RIMS3: variants seen among roughly 807,000 people sequenced by gnomAD.
RIMS3 encodes the protein regulating synaptic membrane exocytosis protein 3.
Under a neutral mutation model 29.2 loss-of-function variants are expected in RIMS3, and 15 were observed. That is an observed-to-expected ratio of 0.51 (90% CI 0.34 to 0.79). The LOEUF (loss-of-function observed/expected upper bound fraction) is 0.79, where lower values mean the gene tolerates loss of function less well. Ranked by LOEUF, RIMS3 falls within the 30% of genes least tolerant of loss-of-function variation. The pLI, the probability that RIMS3 is intolerant of heterozygous loss-of-function variation, is 0.01. For missense variants in RIMS3, 342 were observed against 421.4 expected, an observed-to-expected ratio of 0.81 and a Z score of 1.65; for synonymous variants, 161 against 170.1, an observed-to-expected ratio of 0.95 and a Z score of 0.41.
intron 3 of RIMS3, among the ~76,000 whole-genome samples, chr1:40,640,158 G>A (rs1012428985): frequency 3.9e-5 from 6 of 152,012 alleles, no homozygotes; most frequent in African/African-American, 9.7e-5. Context: ...CCAGACTCCC[G>A]GGGTCCAACA....
intron 3 of RIMS3, among the ~76,000 whole-genome samples, chr1:40,639,809 T>C (rs931272571): frequency 2.6e-5 from 4 of 152,124 alleles, no homozygotes; most frequent in Non-Finnish European, 4.4e-5. Context: ...CTCACTCACA[T>C]TCAGCAATTA....
At chr1:40,673,051 G>A in the RIMS3 span, among the ~76,000 whole-genome samples, 4 of 151,906 alleles carry the variant, frequency 2.6e-5, no homozygotes, top group Non-Finnish European at 4.4e-5. Flanking sequence ...GTGGTGGCAG[G>A]TGCCTGTAAT....
chr1:40,666,276 A>T (rs1436625191), upstream of RIMS3, among the ~76,000 whole-genome samples: 1 of 152,038 alleles, frequency 6.6e-6, no homozygotes, highest in African/African-American at 2.4e-5. Context: ...ACTTGGGGCG[A>T]TTTTGCCCCC....
At chr1:40,663,599 G>C (rs1027650243) in intron 1 of RIMS3, among the ~76,000 whole-genome samples, 1 of 152,190 alleles carries the variant, frequency 6.6e-6, no homozygotes. Flanking sequence ...AGACCCCACA[G>C]AGCTCAGCAC....
Position 40,636,941 on chromosome 1 carries a change from CG to C in RIMS3, c.218-885del, listed in dbSNP as rs1646524256. 6.6e-6 allele frequency among the ~76,000 whole-genome samples: 1 copy of C among 152,152 alleles called. No homozygotes were observed. The highest frequency in any genetic ancestry group is 1.5e-5 in the Non-Finnish European group (1 of 68,028). On this transcript the variant is annotated intron_variant, in intron 3 of 7. Transcript: ENST00000372684. The surrounding 1 kb of genome is among the most constrained non-coding windows in gnomAD (Gnocchi z 4.2). ...CCCTCTAGACACCCTCTCCTCCTGG[CG>C]GGGGGCGGATGGGGGAGATGGCCTG...
the RIMS3 span, among the ~76,000 whole-genome samples, chr1:40,689,164 G>A: frequency 6.6e-6 from 1 of 152,162 alleles, no homozygotes; most frequent in African/African-American, 2.4e-5. Context: ...TTCATTCTGG[G>A]ACCAAAGCTG....
intron 3 of RIMS3, among the ~76,000 whole-genome samples, chr1:40,640,175 C>A (rs971335223): frequency 6.6e-6 from 1 of 152,134 alleles, no homozygotes; most frequent in African/African-American, 2.4e-5. Context: ...AACACCTCCA[C>A]GACCTTCTAA....
intron 1 of RIMS3, among the ~76,000 whole-genome samples, chr1:40,663,659 T>C (rs1446783864): frequency 6.6e-6 from 1 of 152,130 alleles, no homozygotes; most frequent in African/African-American, 2.4e-5. Context: ...AGGCCTGGGT[T>C]CTGCGCAGTA....
intron 7 of RIMS3, among the ~76,000 whole-genome samples, chr1:40,627,463 C>T (rs1441802328): frequency 4.6e-5 from 7 of 152,124 alleles, no homozygotes; most frequent in Admixed American, 2.0e-4. Flanking sequence ...CTCCTGACCT[C>T]GTGATCTACC....
intron 1 of RIMS3, among the ~76,000 whole-genome samples, chr1:40,657,211 T>G (rs1642285215): frequency 6.6e-6 from 1 of 152,132 alleles, no homozygotes; most frequent in African/African-American, 2.4e-5. Flanking sequence ...GATCCACACG[T>G]CAGAGACTTG....
At chr1:40,691,641 G>C in the RIMS3 span, 4 of 430,338 alleles carry the variant, frequency 9.3e-6, 1 homozygote, top group Non-Finnish European at 9.4e-6. Flanking sequence ...CACAGCTTCT[G>C]CGCACCGCAC....
At chr1:40,651,760 T>A (rs1646633212) in intron 1 of RIMS3, among the ~76,000 whole-genome samples, 1 of 152,224 alleles carries the variant, frequency 6.6e-6, no homozygotes, top group African/African-American at 2.4e-5. Context: ...TATAGCACTG[T>A]GAGTCATTTT....
At chr1:40,679,219 G>C in the RIMS3 span, among the ~76,000 whole-genome samples, 2 of 152,156 alleles carry the variant, frequency 1.3e-5, no homozygotes, top group South Asian at 4.1e-4. Flanking sequence ...AGGTCTCCAA[G>C]CCCATAACTA....
chr1:40,643,012 A>T (rs1366943092), intron 2 of RIMS3, among the ~76,000 whole-genome samples: 1 of 152,184 alleles, frequency 6.6e-6, no homozygotes, highest in East Asian at 1.9e-4. Flanking sequence ...AACACTATGT[A>T]TGCTACCGTG....
At chr1:40,651,972 A>C (rs997386455) in intron 1 of RIMS3, among the ~76,000 whole-genome samples, 1 of 152,188 alleles carries the variant, frequency 6.6e-6, no homozygotes, top group African/African-American at 2.4e-5. Flanking sequence ...TTATTGATTA[A>C]TTGATTCCTC....
intron 3 of RIMS3, 91 bp downstream of exon 3, chr1:40,641,618 G>GC: frequency 7.9e-7 from 1 of 1,266,858 alleles, no homozygotes; most frequent in South Asian, 1.4e-5. Flanking sequence ...CTGTGGGCAT[G>GC]GAAGTGCAGA....
At chr1:40,675,988 G>A in the RIMS3 span, among the ~76,000 whole-genome samples, 18,202 of 152,056 alleles carry the variant, frequency 0.12, 1,190 homozygotes, top group African/African-American at 0.14. Flanking sequence ...GCCCAGAGAA[G>A]TAGGATCAGA....
At chr1:40,638,481 A>G (rs1299336244) in intron 3 of RIMS3, among the ~76,000 whole-genome samples, 3 of 151,924 alleles carry the variant, frequency 2.0e-5, no homozygotes, top group Non-Finnish European at 4.4e-5. Context: ...AGACCAAAAG[A>G]CTCCAGGAAC....
At chr1:40,686,524 G>A in the RIMS3 span, among the ~76,000 whole-genome samples, 16 of 152,170 alleles carry the variant, frequency 1.1e-4, no homozygotes, top group East Asian at 2.9e-3. Context: ...GAGCATGGTC[G>A]CTGGTGCCTG....
Sources: gnomAD v4.1 joint callset for allele counts (sites outside exome capture counted in the v4.1 genomes callset) on GRCh38, gnomAD v4.1.1 for gene constraint, Gnocchi (gnomAD v3.1) non-coding constraint, MANE v1.5 for transcripts, NCBI Gene and HGNC (gene_info 2026-07-23, HGNC 2026-07-21) for gene names.